The following EPHB3 variants were observed in gnomAD, a reference collection of about 807,000 sequenced individuals.
EPHB3 encodes EPH receptor B3.
A neutral mutation model predicts 100.2 loss-of-function variants in EPHB3; 33 were observed. That is an observed-to-expected ratio of 0.33 (90% CI 0.25 to 0.44). EPHB3 has a LOEUF of 0.44. Among genes scored for constraint, EPHB3 ranks in the 20% least tolerant of loss-of-function variants. EPHB3 has a pLI of 1.00. For synonymous variants in EPHB3, 526 were observed against 554.7 expected (o/e 0.95, Z 0.73); for missense variants, 1,045 against 1,378.3 (o/e 0.76, Z 3.83).
rs1290796352 is a variant in EPHB3, at chr3:184,562,651, CG to C, written c.118+300del. On this transcript the variant is annotated intron_variant, in intron 1 of 15. Coordinates refer to ENST00000330394, the MANE Select transcript of EPHB3 (RefSeq NM_004443.4). The surrounding 1 kb of genome is among the most constrained non-coding windows in gnomAD (Gnocchi z 4.8). ...CTTTCGCGGGAGTCCCCCACACTCA[CG>C]GCAGAGAAGTGGGGCTCCCGGCACC... Among the ~76,000 whole-genome samples, 2 of 152,028 alleles carry C rather than the reference CG, an allele frequency of 1.3e-5. No homozygotes were observed. The highest frequency in any genetic ancestry group is 4.8e-5 in the African/African-American group (2 of 41,390).
In EPHB3 at chr3:184,579,308, G is replaced by A. The variant is rs1714761149; in HGVS notation, c.1802-169G>A. On this transcript the variant is annotated intron_variant, in intron 9 of 15. Coordinates refer to ENST00000330394, the MANE Select transcript of EPHB3 (RefSeq NM_004443.4). The surrounding 1 kb of genome is among the most constrained non-coding windows in gnomAD (Gnocchi z 5.2). ...AGAAAAACTAGGAGTAGAATCCTAG[G>A]TGTCTAGCCTTTATGGTCACCAGGA... 6.6e-6 allele frequency among the ~76,000 whole-genome samples: 1 copy of A among 152,072 alleles called. No individual in the cohort carries two copies. The highest frequency in any genetic ancestry group is 6.5e-5 in the Admixed American group (1 of 15,278).
In EPHB3 at chr3:184,579,122, C is replaced by CGGTATGCA. The variant is rs1467984942; in HGVS notation, c.1802-352_1802-345dup. Among the ~76,000 whole-genome samples the CGGTATGCA allele has an allele frequency of 6.6e-6, 1 of 151,934 alleles. No homozygotes were observed. The highest frequency in any genetic ancestry group is 1.5e-5 in the Non-Finnish European group (1 of 67,986). On this transcript the variant is annotated intron_variant, in intron 9 of 15. Transcript: ENST00000330394. The surrounding 1 kb of genome is among the most constrained non-coding windows in gnomAD (Gnocchi z 5.2). ...TGAAAGGATTGTTTTAGGAAGACAG[C>CGGTATGCA]GGTATGCAGGATAGCTCGGTGGGAA...
chr3:184,573,238 G>T lies in EPHB3; in HGVS notation c.856+62G>T. On this transcript the variant is annotated intron_variant, in intron 3 of 15. Transcript: ENST00000330394. The surrounding 1 kb of genome is among the most constrained non-coding windows in gnomAD (Gnocchi z 4.5). ...AGGGCCTGGGCCACAGCTACCTACC[G>T]CCCCGCCCCCCACCCCTGCTTGCTA... The T allele has an allele frequency of 2.5e-6, 4 of 1,588,374 alleles. No individual in the cohort carries two copies. The highest frequency in any genetic ancestry group is 3.4e-6 in the Non-Finnish European group (4 of 1,172,192).
At position 184,579,605 on chromosome 3, in the gene EPHB3, T is replaced by G. The variant is rs1714768803; in HGVS notation, c.1924+6T>G. The G allele has an allele frequency of 6.2e-7, 1 of 1,610,390 alleles. No homozygotes were observed. The highest frequency in any genetic ancestry group is 1.7e-5 in the Admixed American group (1 of 59,744). Reference sequence around the variant, plus strand: ...CGAGGAGGTGATCGGAGCTGGTGAGTCTCCCGGGGCACAGTAGAGATGAGA... The same window carrying G: ...CGAGGAGGTGATCGGAGCTGGTGAGGCTCCCGGGGCACAGTAGAGATGAGA... On this transcript the variant is annotated splice_donor_region_variant and intron_variant, in intron 10 of 15. Coordinates refer to ENST00000330394, the MANE Select transcript of EPHB3 (RefSeq NM_004443.4). The surrounding 1 kb of genome is among the most constrained non-coding windows in gnomAD (Gnocchi z 5.2).
chr3:184,567,302 C>T (rs557782633), intron 1 of EPHB3, among the ~76,000 whole-genome samples: 5 of 152,344 alleles, frequency 3.3e-5, no homozygotes, highest in African/African-American at 1.2e-4. Context: ...TTTCCCTACA[C>T]CTCTGGCTAA....
chr3:184,562,277 G>A lies in EPHB3; in HGVS notation c.42G>A (p.Pro14=). ...CGCCGCCGCCGCCGTCGCCGCCGCC[G>A]GGGCTTCTGCCGCTGCTCCCTCCGC... is the stretch of plus-strand genomic sequence containing the variant. The part of the protein sequence containing the change: ...ARPPPPPSPP[P]GLLPLLPPLL... The change falls in exon 1 of 16, where the codon CCG becomes CCA. Residue 14 remains proline (P), a synonymous_variant. Transcript: ENST00000330394. The surrounding 1 kb of genome is among the most constrained non-coding windows in gnomAD (Gnocchi z 4.8). 7.4e-6 allele frequency: 9 copies of A among 1,208,158 alleles called. No homozygotes were observed. Among genetic ancestry groups the A allele is most frequent in the Non-Finnish European group, 8.3e-6 (8 of 966,582 alleles). 74.8% of individuals were successfully genotyped at this position (1,208,158 alleles called of 1,614,324 possible). A position where few individuals can be genotyped will look rare whatever the true frequency, so the allele number is the denominator to read the frequency against.
intron 1 of EPHB3, among the ~76,000 whole-genome samples, chr3:184,566,038 A>G (rs1031883467): frequency 6.6e-6 from 1 of 152,092 alleles, no homozygotes; most frequent in Non-Finnish European, 1.5e-5. Context: ...GGGGGGGTGA[A>G]GGGTGGAGGG....
In EPHB3 at chr3:184,565,809, T is replaced by G. The variant is rs1012170552; in HGVS notation, c.118+3456T>G. Among the ~76,000 whole-genome samples, 1 of 152,230 alleles carries G rather than the reference T, an allele frequency of 6.6e-6. No individual in the cohort carries two copies. On this transcript the variant is annotated intron_variant, in intron 1 of 15. Coordinates refer to ENST00000330394, the MANE Select transcript of EPHB3 (RefSeq NM_004443.4). This position sits in a 1 kb window ranked among gnomAD's most constrained non-coding sequence, Gnocchi z 4.8. ...AGAACCAGTTTGCTCAGCACTGCCC[T>G]GTCTTTAGCCACAGCTGCTGCTGCT...
chr3:184,577,581 G>T lies in EPHB3; in HGVS notation c.1480-77G>T. 6.4e-7 allele frequency: 1 copy of T among 1,573,088 alleles called. No homozygotes were observed. The highest frequency in any genetic ancestry group is 1.2e-5 in the South Asian group (1 of 83,950). On this transcript the variant is annotated intron_variant, in intron 6 of 15. Transcript: ENST00000330394. This position sits in a 1 kb window ranked among gnomAD's most constrained non-coding sequence, Gnocchi z 4.9. ...GGCCTTGGGTATGGAGGGGGCATGT[G>T]GCAGGCCTGGGTGTGAATAGGGGCT...
chr3:184,570,142 A>C lies in EPHB3; in HGVS notation c.119-1176A>C, dbSNP rs146541713. Among the ~76,000 whole-genome samples, 1,420 of 152,302 alleles carry C rather than the reference A, an allele frequency of 9.3e-3. 77 individuals carry two copies. Among genetic ancestry groups the C allele is most frequent in the Admixed American group, 0.084 (1,291 of 15,298 alleles). On this transcript the variant is annotated intron_variant, in intron 1 of 15. Transcript: ENST00000330394. ...GAACACAGGCCGGGTACTGTGACAA[A>C]GCCCCTGGCCCTAGATGCACAAAGG...
rs1714314168 is a variant in EPHB3, at chr3:184,563,639, T to G, written c.118+1286T>G. 6.6e-6 allele frequency among the ~76,000 whole-genome samples: 1 copy of G among 152,140 alleles called. No individual in the cohort carries two copies. The highest frequency in any genetic ancestry group is 6.5e-5 in the Admixed American group (1 of 15,280). On this transcript the variant is annotated intron_variant, in intron 1 of 15. Coordinates refer to ENST00000330394, the MANE Select transcript of EPHB3 (RefSeq NM_004443.4). This position sits in a 1 kb window ranked among gnomAD's most constrained non-coding sequence, Gnocchi z 4.1. ...AGATCGAGTCCCACGGGTGGACACA[T>G]GCAAATTCAGACTGACACACCGAGG...
In EPHB3 at chr3:184,581,850, C is replaced by A; in HGVS notation, c.*228C>A. ...ATTAGGAGAGGGGGTGATGACCCCT[C>A]CCCAAGCCCCTCAGGGCCCAGACCT... On this transcript the variant is annotated 3_prime_UTR_variant, in exon 16 of 16. Coordinates refer to ENST00000330394, the MANE Select transcript of EPHB3 (RefSeq NM_004443.4). 1 of 505,118 alleles carries A rather than the reference C, an allele frequency of 2.0e-6. No homozygotes were observed. Among genetic ancestry groups the A allele is most frequent in the East Asian group, 3.3e-5 (1 of 30,590 alleles). The allele number at this position is 505,118 out of a possible 1,614,324, so 31.3% of individuals were successfully genotyped here.
Position 184,578,339 on chromosome 3 carries a change from G to T in EPHB3, c.1749-75G>T. 2 of 1,603,926 alleles carry T rather than the reference G, an allele frequency of 1.2e-6. No homozygotes were observed. Among genetic ancestry groups the T allele is most frequent in the Non-Finnish European group, 1.7e-6 (2 of 1,172,950 alleles). On this transcript the variant is annotated intron_variant, in intron 8 of 15. Transcript: ENST00000330394. This position sits in a 1 kb window ranked among gnomAD's most constrained non-coding sequence, Gnocchi z 4.7. ...CCTGTATCCTCTCCGCCCCTTCTGT[G>T]AGCCCAAGGGTGCCCTGAACAAAGG...
In EPHB3 at chr3:184,571,321, C is replaced by A. The variant is rs1443864241; in HGVS notation, c.122C>A (p.Thr41Asn). Residue 41 changes from threonine (T) to asparagine (N), a missense_variant, in exon 2 of 16, where the codon ACC (threonine) becomes AAC (asparagine). Transcript: ENST00000330394. This position sits in a 1 kb window ranked among gnomAD's most constrained non-coding sequence, Gnocchi z 5.0. The stretch of plus-strand genomic sequence containing the variant: ...TTTTTCTCCGTTGTTCCTCCAGAGA[C>A]CCTCATGGACACAAAATGGGTAACA... ...LPAGCRALEE[T>N]LMDTKWVTSE... 1 of 1,614,020 alleles carries A rather than the reference C, an allele frequency of 6.2e-7. No individual in the cohort carries two copies. The highest frequency in any genetic ancestry group is 8.5e-7 in the Non-Finnish European group (1 of 1,179,924).
Position 184,577,698 on chromosome 3 carries a change from C to G in EPHB3, c.1520C>G (p.Ser507Cys). 6.2e-7 allele frequency: 1 copy of G among 1,610,172 alleles called. No homozygotes were observed. The highest frequency in any genetic ancestry group is 8.5e-7 in the Non-Finnish European group (1 of 1,177,624). The change falls in exon 7 of 16, where the codon TCC becomes TGC. Residue 507 changes from serine (S) to cysteine (C), a missense_variant. Physicochemically the swap from Ser to Cys is moderately radical, Grantham distance 112. Coordinates refer to ENST00000330394, the MANE Select transcript of EPHB3 (RefSeq NM_004443.4). The surrounding 1 kb of genome is among the most constrained non-coding windows in gnomAD (Gnocchi z 4.9). Reference protein sequence around the residue: ...IASTVTSQMNSVQLDGLRPDA... With the variant: ...IASTVTSQMNCVQLDGLRPDA... ...TCCACAGTGACCAGCCAGATGAACTCCGTGCAGCTGGACGGGCTTCGGCCT... is the reference window on the plus strand; with the variant it reads ...TCCACAGTGACCAGCCAGATGAACTGCGTGCAGCTGGACGGGCTTCGGCCT...
intron 3 of EPHB3, among the ~76,000 whole-genome samples, chr3:184,575,383 G>A (rs950721267): frequency 1.3e-5 from 2 of 152,182 alleles, no homozygotes; most frequent in African/African-American, 4.8e-5. Flanking sequence ...CCGTCTCCTG[G>A]CTGTTCTAGG....
chr3:184,573,348 G>C lies in EPHB3; in HGVS notation c.856+172G>C, dbSNP rs929729477. 6.6e-6 allele frequency among the ~76,000 whole-genome samples: 1 copy of C among 152,108 alleles called. No homozygotes were observed. Among genetic ancestry groups the C allele is most frequent in the African/African-American group, 2.4e-5 (1 of 41,404 alleles). On this transcript the variant is annotated intron_variant, in intron 3 of 15. Coordinates refer to ENST00000330394, the MANE Select transcript of EPHB3 (RefSeq NM_004443.4). The surrounding 1 kb of genome is among the most constrained non-coding windows in gnomAD (Gnocchi z 4.5). The stretch of plus-strand genomic sequence containing the variant: ...TCAGATGCAGAGAATGTTGTGTAAG[G>C]AGGGAGAAGAGAGAGAAAATGAGGA...
At position 184,572,708 on chromosome 3, in the gene EPHB3, T is replaced by C. The variant is rs1473920369; in HGVS notation, c.388T>C (p.Phe130Leu). 1 of 1,612,666 alleles carries C rather than the reference T, an allele frequency of 6.2e-7. No homozygotes were observed. Among genetic ancestry groups the C allele is most frequent in the African/African-American group, 1.3e-5 (1 of 75,042 alleles). Residue 130 changes from phenylalanine to leucine, a missense_variant, in exon 3 of 16, where the codon TTC becomes CTC. By Grantham distance (22) the Phe-to-Leu change is conservative. Around this residue, in one of 2 missense-constraint regions of EPHB3, gnomAD observed 985 missense variants for 1,331.1 expected, o/e 0.74. Transcript: ENST00000330394. This position sits in a 1 kb window ranked among gnomAD's most constrained non-coding sequence, Gnocchi z 6.6. ...CATCCCCGGCTCCTGCAAGGAGACC[T>C]TCAACCTCTTCTACTACGAGGCTGA... Reference protein sequence around the residue: ...PNIPGSCKETFNLFYYEADSD... With the variant: ...PNIPGSCKETLNLFYYEADSD...
rs1393793569 is a variant in EPHB3 at position 184,576,018 on chromosome 3, C to T, written c.1012+33C>T. The T allele has an allele frequency of 2.5e-6, 4 of 1,571,536 alleles. No individual in the cohort carries two copies. The East Asian group carries it at 9.5e-5, about 37-fold the overall frequency. ...AACGCGTGACCTCTCTTTCCCTCTG[C>T]AGGCCTTCCCTCTGGGGGGCCAGCC... On this transcript the variant is annotated intron_variant, in intron 4 of 15. Coordinates refer to ENST00000330394, the MANE Select transcript of EPHB3 (RefSeq NM_004443.4).
Sources: allele counts gnomAD v4.1 joint callset (sites outside exome capture counted in the v4.1 genomes callset), GRCh38; gene constraint gnomAD v4.1.1; regional missense constraint gnomAD v4.1.1; non-coding constraint Gnocchi (gnomAD v3.1); transcripts MANE v1.5; gene names NCBI Gene and HGNC (gene_info 2026-07-23, HGNC 2026-07-21).